The following RBFOX1 variants were observed in gnomAD, a reference collection of about 807,000 sequenced individuals.
RBFOX1 encodes RNA binding protein fox-1 homolog 1.
In RBFOX1, 8 loss-of-function variants were observed where a neutral mutation model predicts 57.7. That is an observed-to-expected ratio of 0.14 (90% CI 0.08 to 0.25). RBFOX1 has a LOEUF of 0.25. Ranked by LOEUF, RBFOX1 falls within the 10% of genes least tolerant of loss-of-function variation. The probability of loss-of-function intolerance (pLI) is 1.00; values close to 1 mark genes in which losing one functional copy is unlikely to be tolerated. For synonymous variants in RBFOX1, 326 were observed against 222.4 expected (o/e 1.47, Z -4.15); for missense variants, 611 against 548.5 (o/e 1.11, Z -1.14).
intron 1 of RBFOX1, among the ~76,000 whole-genome samples, chr16:5,463,930 G>A (rs936903950): frequency 6.6e-6 from 1 of 152,172 alleles, no homozygotes; most frequent in East Asian, 1.9e-4. Context: ...GTGTTCAGCA[G>A]AACAAAGAGA....
intron 1 of RBFOX1, among the ~76,000 whole-genome samples, chr16:6,110,227 TAG>T (rs2096430328): frequency 7.0e-6 from 1 of 143,852 alleles, no homozygotes; most frequent in Admixed American, 7.0e-5. Context: ...ATTATTCTTT[TAG>T]CTCTCTGGTA....
intron 3 of RBFOX1, among the ~76,000 whole-genome samples, chr16:5,693,974 T>A (rs1344902745): frequency 6.6e-6 from 1 of 152,198 alleles, no homozygotes; most frequent in Non-Finnish European, 1.5e-5. Context: ...AGAGTAGACA[T>A]CTTGTCTATC....
chr16:7,147,268 G>A (rs989013051), intron 4 of RBFOX1, among the ~76,000 whole-genome samples: 2 of 151,398 alleles, frequency 1.3e-5, no homozygotes, highest in Admixed American at 1.3e-4. Flanking sequence ...GCCTCCCAAA[G>A]TGCTGGGATT....
At chr16:6,047,048 T>G in intron 1 of RBFOX1, among the ~76,000 whole-genome samples, 1 of 152,142 alleles carries the variant, frequency 6.6e-6, no homozygotes, top group Non-Finnish European at 1.5e-5. Flanking sequence ...GCCATGGAGC[T>G]GAAGATATAT....
At chr16:6,801,418 C>G (rs1451889503) in intron 3 of RBFOX1, among the ~76,000 whole-genome samples, 1 of 152,048 alleles carries the variant, frequency 6.6e-6, no homozygotes, top group African/African-American at 2.4e-5. Flanking sequence ...AACTGCTCAG[C>G]TGAAGATAAA....
At chr16:5,581,675 G>A (rs1207004577) in intron 2 of RBFOX1, among the ~76,000 whole-genome samples, 1 of 152,170 alleles carries the variant, frequency 6.6e-6, no homozygotes, top group African/African-American at 2.4e-5. Context: ...TTGCAGAATG[G>A]GAACAGGGAA....
At chr16:5,483,607 C>G (rs568210959) in intron 2 of RBFOX1, among the ~76,000 whole-genome samples, 110 of 152,290 alleles carry the variant, frequency 7.2e-4, no homozygotes, top group African/African-American at 2.5e-3. Flanking sequence ...AACTTGCTAC[C>G]TCTGGATATG....
intron 4 of RBFOX1, among the ~76,000 whole-genome samples, chr16:7,372,009 C>T (rs182709143): frequency 1.3e-5 from 2 of 151,926 alleles, no homozygotes; most frequent in Admixed American, 6.6e-5. Flanking sequence ...CATGCATACA[C>T]TGAGTTATCT....
At chr16:5,514,642 C>T (rs569024490) in intron 2 of RBFOX1, among the ~76,000 whole-genome samples, 4 of 152,050 alleles carry the variant, frequency 2.6e-5, no homozygotes, top group East Asian at 1.9e-4. Context: ...GCAAACAAAA[C>T]GGATGCACAT....
intron 2 of RBFOX1, among the ~76,000 whole-genome samples, chr16:6,485,421 G>T (rs565346766): frequency 1.3e-5 from 2 of 151,370 alleles, no homozygotes; most frequent in Admixed American, 1.3e-4. Context: ...TTTCATCTAC[G>T]TGTATTTCTT....
At chr16:6,706,926 C>G (rs145635016) in intron 3 of RBFOX1, among the ~76,000 whole-genome samples, 170 of 152,140 alleles carry the variant, frequency 1.1e-3, no homozygotes, top group African/African-American at 3.7e-3. Context: ...TTTGTACAAG[C>G]TGTATAGTCA....
At chr16:6,863,748 T>TTTTTTTTTTTTTTTTTTTTTTTTTC (rs2059424551) in intron 3 of RBFOX1, among the ~76,000 whole-genome samples, 1 of 121,968 alleles carries the variant, frequency 8.2e-6, no homozygotes, top group African/African-American at 2.8e-5. Flanking sequence ...TTTTTTTTTT[T>TTTTTTTTTTTTTTTTTTTTTTTTTC]TTTTACCAAA....
chr16:5,671,261 T>G (rs2050004378), intron 3 of RBFOX1, among the ~76,000 whole-genome samples: 1 of 152,192 alleles, frequency 6.6e-6, no homozygotes. Context: ...GGAGTGCACT[T>G]CACTAAATGC....
chr16:7,352,203 G>C (rs926993664), intron 4 of RBFOX1, among the ~76,000 whole-genome samples: 7 of 152,116 alleles, frequency 4.6e-5, no homozygotes, highest in Non-Finnish European at 8.8e-5. Flanking sequence ...GCAGCTTTGA[G>C]GTGGAAAACA....
At chr16:5,822,076 C>T (rs1200269354) in intron 3 of RBFOX1, among the ~76,000 whole-genome samples, 1 of 152,162 alleles carries the variant, frequency 6.6e-6, no homozygotes, top group Non-Finnish European at 1.5e-5. Flanking sequence ...TGGGTTGGTT[C>T]CATGATTTTG....
intron 1 of RBFOX1, among the ~76,000 whole-genome samples, chr16:6,232,680 A>G (rs1319479774): frequency 1.3e-5 from 2 of 152,198 alleles, no homozygotes; most frequent in Non-Finnish European, 2.9e-5. Flanking sequence ...GTTCAAACCT[A>G]TTTAAGGTCC....
At chr16:5,915,070 C>T (rs1354418871) in intron 4 of RBFOX1, among the ~76,000 whole-genome samples, 2 of 152,130 alleles carry the variant, frequency 1.3e-5, no homozygotes, top group Admixed American at 6.5e-5. Context: ...GGGTGTTACA[C>T]AGGGGTAGAA....
At position 5,401,267 on chromosome 16, in the gene RBFOX1, T is replaced by C. The variant is rs574957380; in HGVS notation, c.220-65949T>C. Among the ~76,000 whole-genome samples, 16 of 152,362 alleles carry C rather than the reference T, an allele frequency of 1.1e-4. No homozygotes were observed. The South Asian group carries it at 1.2e-3, about 12-fold the overall frequency. ...TTTTGTGTAGGTTTGAGGATCTAAC[T>C]TGATTTTATTCCCATAAATATACAA... On this transcript the variant is annotated intron_variant, in intron 1 of 2. Coordinates refer to the RBFOX1 transcript ENST00000585867.
intron 4 of RBFOX1, among the ~76,000 whole-genome samples, chr16:7,330,255 A>G (rs532537848): frequency 7.2e-5 from 11 of 152,246 alleles, no homozygotes; most frequent in Non-Finnish European, 1.5e-4. Flanking sequence ...TCCCGTATAC[A>G]TATTAAATCG....
Sources: gnomAD v4.1 joint callset for allele counts (sites outside exome capture counted in the v4.1 genomes callset) on GRCh38, gnomAD v4.1.1 for gene constraint, MANE v1.5 for transcripts, NCBI Gene and HGNC (gene_info 2026-07-23, HGNC 2026-07-21) for gene names.